The following PDE4B variants were observed in gnomAD, a reference collection of about 807,000 sequenced individuals.
The protein encoded by PDE4B is 3',5'-cyclic-AMP phosphodiesterase 4B.
Under a neutral mutation model 82.2 loss-of-function variants are expected in PDE4B, and 20 were observed. The ratio of observed to expected loss-of-function variants is 0.24; its 90% CI spans 0.17 to 0.35. PDE4B has a LOEUF of 0.35. Among genes scored for constraint, PDE4B ranks in the 10% least tolerant of loss-of-function variants. PDE4B has a pLI of 1.00. For synonymous variants in PDE4B, 320 were observed against 318.9 expected, an observed-to-expected ratio of 1.00 and a Z score of -0.04; for missense variants, 655 against 907.2, an observed-to-expected ratio of 0.72 and a Z score of 3.57.
chr1:66,026,667 A>G (rs1653451354), intron 3 of PDE4B, among the ~76,000 whole-genome samples: 1 of 152,234 alleles, frequency 6.6e-6, no homozygotes, highest in Non-Finnish European at 1.5e-5. Flanking sequence ...TATTCATATA[A>G]AGCACTCAGC....
At chr1:66,248,248 T>C (rs926859373) in intron 4 of PDE4B, among the ~76,000 whole-genome samples, 1 of 152,248 alleles carries the variant, frequency 6.6e-6, no homozygotes, top group African/African-American at 2.4e-5. Flanking sequence ...TGTAAATCTC[T>C]AAATTTTATT....
chr1:65,806,610 A>G (rs1213930480), intron 1 of PDE4B, among the ~76,000 whole-genome samples: 24 of 152,190 alleles, frequency 1.6e-4, no homozygotes, highest in Non-Finnish European at 1.5e-5. Context: ...GTTCCACTTT[A>G]TGTACCATCA....
At chr1:66,115,200 C>T (rs1645571506) in intron 3 of PDE4B, among the ~76,000 whole-genome samples, 1 of 152,190 alleles carries the variant, frequency 6.6e-6, no homozygotes, top group African/African-American at 2.4e-5. Context: ...ATTTAAACTA[C>T]TGACCTACAT....
intron 3 of PDE4B, among the ~76,000 whole-genome samples, chr1:65,937,166 G>A (rs1271130904): frequency 6.6e-6 from 1 of 152,136 alleles, no homozygotes; most frequent in African/African-American, 2.4e-5. Flanking sequence ...CTTTGCTTCT[G>A]TAAATGTTTC....
At chr1:66,293,516 T>A (rs1657263905) in intron 7 of PDE4B, among the ~76,000 whole-genome samples, 1 of 152,176 alleles carries the variant, frequency 6.6e-6, no homozygotes, top group South Asian at 2.1e-4. Flanking sequence ...GAGTCTGAGC[T>A]GAAATCATTT....
At chr1:66,327,659 G>C (rs1447537602) in intron 7 of PDE4B, among the ~76,000 whole-genome samples, 1 of 152,092 alleles carries the variant, frequency 6.6e-6, no homozygotes, top group African/African-American at 2.4e-5. Flanking sequence ...TAGTCTTCGA[G>C]AACATAGGTA....
At chr1:65,949,086 A>T (rs1648861970) in intron 3 of PDE4B, among the ~76,000 whole-genome samples, 1 of 151,964 alleles carries the variant, frequency 6.6e-6, no homozygotes, top group Non-Finnish European at 1.5e-5. Flanking sequence ...CCTTCTGTCC[A>T]CCGCTCTTCT....
chr1:66,261,404 T>A (rs967456018), intron 6 of PDE4B, among the ~76,000 whole-genome samples: 2 of 152,028 alleles, frequency 1.3e-5, no homozygotes, highest in Admixed American at 6.6e-5. Context: ...CACAGAGTTA[T>A]CTTAACAGCT....
At chr1:65,966,118 G>T (rs1649813997) in intron 3 of PDE4B, among the ~76,000 whole-genome samples, 1 of 152,144 alleles carries the variant, frequency 6.6e-6, no homozygotes, top group Non-Finnish European at 1.5e-5. Flanking sequence ...GTCTCTGTCT[G>T]CAGATGACAT....
At chr1:65,964,045 A>G (rs1649682662) in intron 3 of PDE4B, among the ~76,000 whole-genome samples, 1 of 152,206 alleles carries the variant, frequency 6.6e-6, no homozygotes, top group South Asian at 2.1e-4. Context: ...AGTGATAAGA[A>G]TAAAAAATAT....
chr1:65,928,690 C>T (rs1038072720), intron 3 of PDE4B, among the ~76,000 whole-genome samples: 1 of 152,110 alleles, frequency 6.6e-6, no homozygotes, highest in South Asian at 2.1e-4. Context: ...TCTTCTGGAC[C>T]CTCCCAGCTG....
chr1:66,300,596 C>A (rs1186232375), intron 7 of PDE4B, among the ~76,000 whole-genome samples: 2 of 152,152 alleles, frequency 1.3e-5, no homozygotes, highest in East Asian at 1.9e-4. Flanking sequence ...TCTTTCCATT[C>A]CCCAGTCACT....
intron 8 of PDE4B, among the ~76,000 whole-genome samples, chr1:66,348,177 T>G (rs1402483589): frequency 1.3e-5 from 2 of 152,186 alleles, no homozygotes; most frequent in Non-Finnish European, 2.9e-5. Flanking sequence ...ATTAATGCCC[T>G]GTGGCCTTAG....
intron 3 of PDE4B, among the ~76,000 whole-genome samples, chr1:66,136,174 A>G (rs1646051208): frequency 1.3e-5 from 2 of 152,164 alleles, no homozygotes; most frequent in Admixed American, 1.3e-4. Flanking sequence ...ATGGTCCACT[A>G]GTACCACCCT....
intron 3 of PDE4B, among the ~76,000 whole-genome samples, chr1:66,128,975 G>A (rs926803178): frequency 6.6e-6 from 1 of 152,186 alleles, no homozygotes; most frequent in African/African-American, 2.4e-5. Flanking sequence ...ATCAAGATGA[G>A]ATTTGGTTGG....
intron 3 of PDE4B, among the ~76,000 whole-genome samples, chr1:66,066,610 A>C (rs540698816): frequency 6.6e-6 from 1 of 151,916 alleles, no homozygotes; most frequent in Non-Finnish European, 1.5e-5. Flanking sequence ...ATGTTCCCTA[A>C]AAGCTGCAGA....
At chr1:65,848,211 T>G (rs1196123027) in intron 1 of PDE4B, among the ~76,000 whole-genome samples, 1 of 152,084 alleles carries the variant, frequency 6.6e-6, no homozygotes, top group Non-Finnish European at 1.5e-5. Context: ...TGATCTTGGC[T>G]CACTGCAACC....
intron 3 of PDE4B, among the ~76,000 whole-genome samples, chr1:66,106,570 G>C (rs991907861): frequency 6.7e-6 from 1 of 150,120 alleles, no homozygotes; most frequent in African/African-American, 2.4e-5. Context: ...TCTGGTCCTG[G>C]ACTCTTTTTG....
At chr1:66,283,479 C>T (rs1656438095) in intron 7 of PDE4B, among the ~76,000 whole-genome samples, 1 of 151,994 alleles carries the variant, frequency 6.6e-6, no homozygotes, top group African/African-American at 2.4e-5. Context: ...TTGTTGGATC[C>T]AATTATTCAA....
Sources: gnomAD v4.1 joint callset for allele counts (sites outside exome capture counted in the v4.1 genomes callset) on GRCh38, gnomAD v4.1.1 for gene constraint, MANE v1.5 for transcripts, NCBI Gene and HGNC (gene_info 2026-07-23, HGNC 2026-07-21) for gene names.